The following FOXO3 variants were observed in gnomAD, a reference collection of about 807,000 sequenced individuals.
The protein encoded by FOXO3 is forkhead box protein O3.
FOXO3 carries 4 observed loss-of-function variants against 41.9 expected under a neutral mutation model. The ratio of observed to expected loss-of-function variants is 0.10; its 90% confidence interval spans 0.05 to 0.22. The LOEUF (loss-of-function observed/expected upper bound fraction) is 0.22. FOXO3 is among the 10% of genes least tolerant of loss of function. The pLI is 1.00. For missense variants in FOXO3, 534 were observed against 906.8 expected (o/e 0.59, Z 5.28); for synonymous variants, 318 against 389.3 (o/e 0.82, Z 2.16).
intron 1 of FOXO3, among the ~76,000 whole-genome samples, chr6:108,653,834 T>C (rs1295833967): frequency 6.6e-6 from 1 of 152,240 alleles, no homozygotes; most frequent in African/African-American, 2.4e-5. Flanking sequence ...TCTGTTCCAC[T>C]TCATGGCTTT....
At chr6:108,568,793 G>T (rs902713368) in intron 1 of FOXO3, among the ~76,000 whole-genome samples, 5 of 152,192 alleles carry the variant, frequency 3.3e-5, no homozygotes, top group African/African-American at 9.7e-5. Context: ...TGGTGTAAAT[G>T]TGAGATGATG....
chr6:108,670,925 G>A (rs1303372282), intron 2 of FOXO3, among the ~76,000 whole-genome samples: 1 of 152,220 alleles, frequency 6.6e-6, no homozygotes, highest in Non-Finnish European at 1.5e-5. Flanking sequence ...AAATCATTAA[G>A]CACAGTTCAT....
intron 1 of FOXO3, among the ~76,000 whole-genome samples, chr6:108,616,838 T>C (rs549133358): frequency 1.3e-5 from 2 of 152,286 alleles, no homozygotes; most frequent in South Asian, 4.1e-4. Flanking sequence ...GAAATGTCAG[T>C]CTATAGGGAC....
chr6:108,656,064 G>T (rs1214434444), intron 1 of FOXO3, among the ~76,000 whole-genome samples: 1 of 151,666 alleles, frequency 6.6e-6, no homozygotes, highest in South Asian at 2.1e-4. Context: ...TAGTGGGCCT[G>T]GCTTTGGAGT....
At chr6:108,603,521 T>G (rs1300857720) in intron 1 of FOXO3, among the ~76,000 whole-genome samples, 1 of 152,190 alleles carries the variant, frequency 6.6e-6, no homozygotes, top group Admixed American at 6.5e-5. Context: ...TTATCATGAT[T>G]CTTATGGTAT....
At chr6:108,648,851 G>A (rs1240455054) in intron 1 of FOXO3, among the ~76,000 whole-genome samples, 2 of 151,706 alleles carry the variant, frequency 1.3e-5, no homozygotes, top group African/African-American at 2.4e-5. Context: ...TAAAAAATTA[G>A]TGAAGTGTAG....
chr6:108,627,457 GATAAA>G (rs1324331542), intron 1 of FOXO3, among the ~76,000 whole-genome samples: 2 of 152,054 alleles, frequency 1.3e-5, no homozygotes, highest in African/African-American at 4.8e-5. Context: ...AACAAAAAAG[GATAAA>G]ATAAAAGAAA....
At chr6:108,649,192 A>G (rs1017905343) in intron 1 of FOXO3, among the ~76,000 whole-genome samples, 1 of 152,004 alleles carries the variant, frequency 6.6e-6, no homozygotes, top group Non-Finnish European at 1.5e-5. Context: ...GGTGACATAG[A>G]TAGGCCCAGG....
intron 1 of FOXO3, among the ~76,000 whole-genome samples, chr6:108,660,222 C>T (rs181146907): frequency 6.6e-6 from 1 of 152,158 alleles, no homozygotes; most frequent in Admixed American, 6.5e-5. Flanking sequence ...TGCCTGCTTT[C>T]TGAACACTGC....
Position 108,664,087 on chromosome 6 carries a change from C to G in FOXO3, c.1254C>G (p.Thr418=). The change falls in exon 2 of 3, where the codon ACC becomes ACG. Residue 418 remains threonine, a synonymous_variant. Coordinates refer to ENST00000406360, the MANE Select transcript of FOXO3 (RefSeq NM_001455.4). ...MQRSSSFPYT[T]KGSGLGSPTS... is the part of the protein sequence containing the mutation. Reference sequence around the variant, plus strand: ...GGAGCTCTAGCTTCCCGTATACCACCAAGGGCTCGGGCCTGGGCTCCCCAA... The same window carrying G: ...GGAGCTCTAGCTTCCCGTATACCACGAAGGGCTCGGGCCTGGGCTCCCCAA... 3.7e-6 allele frequency: 6 copies of G among 1,614,188 alleles called. No individual in the cohort carries two copies. Among genetic ancestry groups the G allele is most frequent in the Non-Finnish European group, 5.1e-6 (6 of 1,180,040 alleles).
At chr6:108,622,930 A>AG (rs1777708702) in intron 1 of FOXO3, among the ~76,000 whole-genome samples, 1 of 147,058 alleles carries the variant, frequency 6.8e-6, no homozygotes, top group South Asian at 2.2e-4. Flanking sequence ...AGGGCCTTTT[A>AG]GAAAAAAAAA....
At chr6:108,650,554 G>C (rs1778520542) in intron 1 of FOXO3, among the ~76,000 whole-genome samples, 1 of 152,160 alleles carries the variant, frequency 6.6e-6, no homozygotes, top group African/African-American at 2.4e-5. Context: ...AGTTTACCTA[G>C]CATGTACATG....
intron 1 of FOXO3, among the ~76,000 whole-genome samples, chr6:108,596,382 G>GA (rs61683111): frequency 0.099 from 5,738 of 58,026 alleles, 155 homozygotes; most frequent in Middle Eastern, 0.15. Flanking sequence ...TGGCCTAAAT[G>GA]AAAAAAAAAA....
chr6:108,579,865 C>T (rs1020019117), intron 1 of FOXO3, among the ~76,000 whole-genome samples: 10 of 152,112 alleles, frequency 6.6e-5, no homozygotes, highest in Non-Finnish European at 1.5e-4. Flanking sequence ...GGGACATCAC[C>T]TGCTTGACCC....
chr6:108,591,991 A>G (rs1375754960), intron 1 of FOXO3, among the ~76,000 whole-genome samples: 1 of 152,204 alleles, frequency 6.6e-6, no homozygotes, highest in Non-Finnish European at 1.5e-5. Flanking sequence ...GATGAATGTC[A>G]AAAACATTGT....
At chr6:108,667,195 G>C (rs1251348430) in intron 2 of FOXO3, among the ~76,000 whole-genome samples, 1 of 152,170 alleles carries the variant, frequency 6.6e-6, no homozygotes, top group Non-Finnish European at 1.5e-5. Context: ...GACTGTAATG[G>C]AAGCTAAGTA....
rs976288834 is a variant in FOXO3 at position 108,681,023 on chromosome 6, C to T, written c.*1231C>T. ...TTAGGTTGTAATTGTACAAGTGACT[C>T]AATGGAAGTACAAAATAGGGCAGTT... On this transcript the variant is annotated 3_prime_UTR_variant, in exon 3 of 3. Coordinates refer to ENST00000406360, the MANE Select transcript of FOXO3 (RefSeq NM_001455.4). 1 of 152,634 alleles carries T rather than the reference C, an allele frequency of 6.6e-6. No individual in the cohort carries two copies. The allele number at this position is 152,634 out of a possible 1,614,324, so 9.5% of individuals were successfully genotyped here.
At chr6:108,627,315 C>T (rs764708534) in intron 1 of FOXO3, among the ~76,000 whole-genome samples, 2 of 152,086 alleles carry the variant, frequency 1.3e-5, no homozygotes, top group Non-Finnish European at 2.9e-5. Context: ...ACTTGGATCT[C>T]TTGCGTATCA....
chr6:108,665,371 G>A (rs1221169412), intron 2 of FOXO3, among the ~76,000 whole-genome samples: 2 of 152,152 alleles, frequency 1.3e-5, no homozygotes, highest in South Asian at 4.1e-4. Flanking sequence ...TTTTTTCCTT[G>A]TAAAGTAATG....
Sources: allele counts gnomAD v4.1 joint callset (sites outside exome capture counted in the v4.1 genomes callset), GRCh38; gene constraint gnomAD v4.1.1; transcripts MANE v1.5; gene names NCBI Gene and HGNC (gene_info 2026-07-23, HGNC 2026-07-21).